The following MYH11 variants were observed in gnomAD, a reference collection of about 807,000 sequenced individuals.
MYH11 encodes myosin-11.
A neutral mutation model predicts 246.6 loss-of-function variants in MYH11; 80 were observed. The observed-to-expected ratio is 0.32, with a 90% CI of 0.27 to 0.39. MYH11 has a LOEUF of 0.39. Ranked by LOEUF, MYH11 falls within the 10% of genes least tolerant of loss-of-function variation. The pLI is 1.00. For synonymous variants in MYH11, 1,071 were observed against 1,015.5 expected (o/e 1.05, Z -1.04); for missense variants, 2,158 against 2,546.8 (o/e 0.85, Z 3.29).
intron 2 of MYH11, among the ~76,000 whole-genome samples, chr16:15,833,397 A>AAGGG (rs67562721): frequency 0.11 from 13,325 of 116,438 alleles, 794 homozygotes; most frequent in Non-Finnish European, 0.14. Context: ...GGAAGGAAGG[A>AAGGG]AGGAAGGAAG....
intron 40 of MYH11, among the ~76,000 whole-genome samples, chr16:15,705,389 A>C (rs2039392251): frequency 6.6e-6 from 1 of 152,166 alleles, no homozygotes. Context: ...TCGACTTCAC[A>C]GGAAGGGCTG....
At chr16:15,835,495 G>A (rs2043867198) in intron 2 of MYH11, among the ~76,000 whole-genome samples, 1 of 152,150 alleles carries the variant, frequency 6.6e-6, no homozygotes, top group Admixed American at 6.5e-5. Flanking sequence ...AAATGTGCAG[G>A]ACATTTTTAG....
At chr16:15,834,882 A>C (rs2043849226) in intron 2 of MYH11, among the ~76,000 whole-genome samples, 1 of 151,156 alleles carries the variant, frequency 6.6e-6, no homozygotes, top group African/African-American at 2.4e-5. Flanking sequence ...CAGCCTGGGC[A>C]ATATAGTGAG....
chr16:15,719,622 G>A lies in MYH11; in HGVS notation c.5045C>T (p.Ala1682Val). The change falls in exon 35 of 41, where the codon GCC becomes GTC. Residue 1682 changes from alanine (A) to valine (V), a missense_variant. Coordinates refer to ENST00000300036, the MANE Select transcript of MYH11 (RefSeq NM_002474.3). ...CATGAGGTCTGCTTCCAAGCTCTTG[G>A]CTTTCTTCTCATTCTCTTTGGCTGT... is the stretch of plus-strand genomic sequence containing the variant. ...FATAKENEKKAKSLEADLMQL... is the reference protein window; with the variant it reads ...FATAKENEKKVKSLEADLMQL... 1 of 1,614,174 alleles carries A rather than the reference G, an allele frequency of 6.2e-7. No homozygotes were observed. The highest frequency in any genetic ancestry group is 8.5e-7 in the Non-Finnish European group (1 of 1,180,038).
intron 4 of MYH11, among the ~76,000 whole-genome samples, chr16:15,794,969 C>G (rs976606472): frequency 9.2e-5 from 14 of 152,138 alleles, no homozygotes; most frequent in Non-Finnish European, 1.6e-4. Flanking sequence ...AACCATTTCA[C>G]GAGGGGAACG....
chr16:15,794,479 T>C (rs6498576), intron 4 of MYH11, among the ~76,000 whole-genome samples: 63,903 of 152,230 alleles, frequency 0.42, 14,686 homozygotes, highest in African/African-American at 0.61. Flanking sequence ...GGGATTTCCT[T>C]CCTAACAATG....
At chr16:15,849,987 A>C (rs576684514) in intron 1 of MYH11, among the ~76,000 whole-genome samples, 2 of 152,332 alleles carry the variant, frequency 1.3e-5, no homozygotes, top group African/African-American at 4.8e-5. Flanking sequence ...AAACTGGACC[A>C]ACTGAGAATG....
At chr16:15,784,591 C>T in intron 5 of MYH11, 1 of 1,224,552 alleles carries the variant, frequency 8.2e-7, no homozygotes, top group Non-Finnish European at 1.2e-6. Context: ...GGGCCTACCC[C>T]ATTTCTACCA....
intron 26 of MYH11, among the ~76,000 whole-genome samples, chr16:15,733,833 A>T (rs2151238092): frequency 1.3e-5 from 2 of 152,336 alleles, no homozygotes; most frequent in East Asian, 3.9e-4. Flanking sequence ...ATGAGCCACC[A>T]TACCTGGCCC....
chr16:15,745,133 G>A lies in MYH11; in HGVS notation c.2516C>T (p.Thr839Ile), dbSNP rs1248564780. 1 of 1,613,872 alleles carries A rather than the reference G, an allele frequency of 6.2e-7. No individual in the cohort carries two copies. The highest frequency in any genetic ancestry group is 8.5e-7 in the Non-Finnish European group (1 of 1,179,800). ...GGGCTGGGGCAGAGCACTCACTTTG[G>A]TGAAAAGCCTCCACCACTGCCAGTT... Reference protein sequence around the residue: ...LRNWQWWRLFTKVKPLLQVTR... With the variant: ...LRNWQWWRLFIKVKPLLQVTR... Residue 839 changes from threonine (T) to isoleucine (I), a missense_variant, in exon 20 of 41, where the codon ACC becomes ATC. Thr to Ile is a moderately conservative substitution (Grantham distance 89, BLOSUM62 -1). This residue lies in a region of MYH11 where 90 missense variants were observed against 144.2 expected (regional missense o/e 0.62). Transcript: ENST00000300036.
chr16:15,840,958 G>A (rs2151384522), intron 1 of MYH11, among the ~76,000 whole-genome samples: 1 of 152,200 alleles, frequency 6.6e-6, no homozygotes, highest in South Asian at 2.1e-4. Flanking sequence ...CATTTTATAT[G>A]TTTGTGTGTA....
At chr16:15,763,741 T>TCGGGGCCCCCCCCC in intron 10 of MYH11, 55 bp downstream of exon 10, 4 of 646,858 alleles carry the variant, frequency 6.2e-6, no homozygotes, top group Non-Finnish European at 5.8e-6. Flanking sequence ...AAATGTCACC[T>TCGGGGCCCCCCCCC]CCCCCACCCC....
chr16:15,833,397 A>AGGG lies in MYH11; in HGVS notation c.345+4510_345+4511insCCC, dbSNP rs1567208211. 4.8e-3 allele frequency among the ~76,000 whole-genome samples: 561 copies of AGGG among 116,808 alleles called. 5 individuals carry two copies. The highest frequency in any genetic ancestry group is 0.018 in the African/African-American group (529 of 29,462). 76.6% of individuals were successfully genotyped at this position (116,808 alleles called of 152,430 possible). ...GGAGGGAGGGAGGGAGGAAGGAAGG[A>AGGG]AGGAAGGAAGGAAGGGAGGAACGAA... On this transcript the variant is annotated intron_variant, in intron 2 of 40. Transcript: ENST00000300036.
intron 3 of MYH11, among the ~76,000 whole-genome samples, chr16:15,818,034 T>G (rs958586469): frequency 6.6e-6 from 1 of 152,250 alleles, no homozygotes; most frequent in Admixed American, 6.5e-5. Context: ...GATACAATGA[T>G]GCACATGCAA....
At chr16:15,751,124 T>G (rs2041556531) in intron 15 of MYH11, among the ~76,000 whole-genome samples, 1 of 97,492 alleles carries the variant, frequency 1.0e-5, no homozygotes, top group Admixed American at 8.5e-5. Flanking sequence ...GTAGGTATTA[T>G]TATTATTATT....
chr16:15,741,309 C>A, intron 22 of MYH11, 154 bp downstream of exon 22: 2 of 839,558 alleles, frequency 2.4e-6, no homozygotes, highest in South Asian at 1.4e-5. Context: ...CCAATCCCAG[C>A]TGTGTGGCCT....
chr16:15,793,349 A>G (rs2042659336), intron 4 of MYH11, among the ~76,000 whole-genome samples: 1 of 151,758 alleles, frequency 6.6e-6, no homozygotes. Flanking sequence ...GCTGAGGTGC[A>G]GTGGTGCCAT....
At chr16:15,827,388 C>T (rs1567203441) in intron 2 of MYH11, among the ~76,000 whole-genome samples, 1 of 152,132 alleles carries the variant, frequency 6.6e-6, no homozygotes. Context: ...GGGACATGGG[C>T]AGAAAAACAG....
At chr16:15,738,372 G>C (rs2041181943) in intron 24 of MYH11, among the ~76,000 whole-genome samples, 193 bp downstream of exon 24, 1 of 152,060 alleles carries the variant, frequency 6.6e-6, no homozygotes, top group South Asian at 2.1e-4. Flanking sequence ...AATTAGCTGG[G>C]TGTGGTGATG....
Sources: allele counts gnomAD v4.1 joint callset (sites outside exome capture counted in the v4.1 genomes callset), GRCh38; gene constraint gnomAD v4.1.1; regional missense constraint gnomAD v4.1.1; transcripts MANE v1.5; gene names NCBI Gene and HGNC (gene_info 2026-07-23, HGNC 2026-07-21).